The following ANTXR2 variants were observed in gnomAD, a reference collection of about 807,000 sequenced individuals.
The protein encoded by ANTXR2 is anthrax toxin receptor 2.
In ANTXR2, 44 loss-of-function variants were observed where a neutral mutation model predicts 73.7. The observed-to-expected ratio is 0.60, with a 90% CI of 0.47 to 0.77. The LOEUF is 0.77. Among genes scored for constraint, ANTXR2 ranks in the 30% least tolerant of loss-of-function variants. ANTXR2 has a pLI of 0.00. For missense variants in ANTXR2, 604 were observed against 592.5 expected (o/e 1.02, Z -0.20); for synonymous variants, 217 against 205.9 (o/e 1.05, Z -0.46).
intron 10 of ANTXR2, among the ~76,000 whole-genome samples, chr4:80,022,586 T>C (rs561200744): frequency 6.6e-6 from 1 of 152,346 alleles, no homozygotes; most frequent in East Asian, 1.9e-4. Flanking sequence ...ATATTTTATG[T>C]CATTTCTGTT....
chr4:80,016,420 G>A (rs2110066281), intron 11 of ANTXR2, among the ~76,000 whole-genome samples: 1 of 152,144 alleles, frequency 6.6e-6, no homozygotes, highest in African/African-American at 2.4e-5. Flanking sequence ...GTCTGTCTCA[G>A]TTCCTCCACA....
chr4:79,961,651 G>A (rs1435763936), intron 16 of ANTXR2, among the ~76,000 whole-genome samples: 1 of 152,006 alleles, frequency 6.6e-6, no homozygotes, highest in Non-Finnish European at 1.5e-5. Context: ...TGTTGCCCAG[G>A]CTGGTCTCAA....
chr4:80,037,502 A>G (rs1381774208), intron 7 of ANTXR2, among the ~76,000 whole-genome samples: 1 of 152,184 alleles, frequency 6.6e-6, no homozygotes, highest in Non-Finnish European at 1.5e-5. Context: ...GTAAAATTTT[A>G]TATCTGAGAA....
chr4:80,044,823 CTAATA>C (rs1285100012), intron 7 of ANTXR2, among the ~76,000 whole-genome samples: 1 of 151,714 alleles, frequency 6.6e-6, no homozygotes, highest in Non-Finnish European at 1.5e-5. Context: ...AAAATTCAAT[CTAATA>C]TAAAAAGTAT....
intron 12 of ANTXR2, among the ~76,000 whole-genome samples, chr4:79,985,961 C>T (rs75123012): frequency 0.091 from 13,845 of 151,386 alleles, 730 homozygotes; most frequent in Middle Eastern, 0.23. Context: ...CCTATCTCAG[C>T]ATCTGGAGTA....
intron 6 of ANTXR2, among the ~76,000 whole-genome samples, chr4:80,054,700 T>C (rs1406347109): frequency 6.6e-6 from 1 of 151,674 alleles, no homozygotes; most frequent in Non-Finnish European, 1.5e-5. Context: ...TGAAACATTT[T>C]CAAATATATA....
intron 12 of ANTXR2, among the ~76,000 whole-genome samples, chr4:79,998,018 C>A (rs1320157244): frequency 6.6e-6 from 1 of 151,868 alleles, no homozygotes; most frequent in Non-Finnish European, 1.5e-5. Flanking sequence ...AAAAAGAAAT[C>A]AGGCTGCTCT....
rs548469253 is a variant in ANTXR2, at chr4:80,030,041, G to A, written c.866+1582C>T. Among the ~76,000 whole-genome samples the A allele has an allele frequency of 1.5e-3, 235 of 152,118 alleles. 1 individual carries two copies. The highest frequency in any genetic ancestry group is 5.4e-3 in the African/African-American group (223 of 41,532). On this transcript the variant is annotated intron_variant, in intron 10 of 16. Coordinates refer to ENST00000403729, the MANE Select transcript of ANTXR2 (RefSeq NM_058172.6). ...AATCTGTTTTAACAAGATCACTCTT[G>A]TGAAGGATGGAAACAGAAAGACCAG...
chr4:79,990,383 CAAAAAAA>C (rs70944757), intron 12 of ANTXR2, among the ~76,000 whole-genome samples: 3 of 76,938 alleles, frequency 3.9e-5, no homozygotes, highest in East Asian at 7.6e-4. Flanking sequence ...ACAACAGTTA[CAAAAAAA>C]AAAAAAAAAA....
intron 7 of ANTXR2, among the ~76,000 whole-genome samples, chr4:80,046,808 A>G (rs184299370): frequency 5.9e-5 from 9 of 151,884 alleles, no homozygotes; most frequent in Admixed American, 5.9e-4. Context: ...AAACACAGCA[A>G]AGTGTCTTGA....
chr4:79,956,278 A>G (rs936545795), intron 16 of ANTXR2, among the ~76,000 whole-genome samples: 1 of 152,144 alleles, frequency 6.6e-6, no homozygotes, highest in Non-Finnish European at 1.5e-5. Context: ...ACACAGATAC[A>G]CAGTTGATAA....
In ANTXR2 at chr4:80,033,988, T is replaced by C. The variant is rs569249319; in HGVS notation, c.698-418A>G. Among the ~76,000 whole-genome samples the C allele has an allele frequency of 5.3e-4, 81 of 152,234 alleles. 1 individual carries two copies. The South Asian group carries it at 6.6e-3, about 12-fold the overall frequency. ...GGGAATGTAAATAAAACTAATTATG[T>C]ACGTTTTTTAGTTCTTCGAAAAGTC... On this transcript the variant is annotated intron_variant, in intron 8 of 16. Transcript: ENST00000403729.
At chr4:79,911,390 G>A (rs1008612199) in intron 16 of ANTXR2, among the ~76,000 whole-genome samples, 1 of 151,904 alleles carries the variant, frequency 6.6e-6, no homozygotes, top group East Asian at 1.9e-4. Context: ...AATAATACGA[G>A]TGCTAAAAAT....
chr4:79,933,731 GTTTGT>G (rs1477396878), intron 16 of ANTXR2, among the ~76,000 whole-genome samples: 1 of 41,962 alleles, frequency 2.4e-5, no homozygotes, highest in Non-Finnish European at 4.1e-5. Flanking sequence ...GCCCTGGTGT[GTTTGT>G]TTTTTTTTTT....
intron 3 of ANTXR2, among the ~76,000 whole-genome samples, chr4:80,059,777 G>A (rs913366308): frequency 1.3e-5 from 2 of 152,042 alleles, no homozygotes; most frequent in South Asian, 4.1e-4. Context: ...GAGTGAGGAA[G>A]GGAAGGGAAA....
intron 12 of ANTXR2, among the ~76,000 whole-genome samples, chr4:79,997,287 A>G (rs1487342761): frequency 6.6e-6 from 1 of 151,860 alleles, no homozygotes; most frequent in East Asian, 1.9e-4. Context: ...TTGTACAATG[A>G]CTGTAGACTA....
At chr4:79,999,960 T>A (rs749887102) in intron 12 of ANTXR2, among the ~76,000 whole-genome samples, 3 of 152,042 alleles carry the variant, frequency 2.0e-5, no homozygotes, top group African/African-American at 7.2e-5. Flanking sequence ...ATGGGATACA[T>A]GTGATTGCTA....
At chr4:80,023,377 C>T (rs545891934) in intron 10 of ANTXR2, among the ~76,000 whole-genome samples, 7 of 152,274 alleles carry the variant, frequency 4.6e-5, no homozygotes, top group South Asian at 2.1e-4. Context: ...AATAAAATCA[C>T]TCAATCAGTC....
intron 8 of ANTXR2, 131 bp downstream of exon 8, chr4:80,035,841 T>C: frequency 1.4e-6 from 1 of 718,306 alleles, no homozygotes; most frequent in Non-Finnish European, 2.3e-6. Context: ...TATTTAAAAA[T>C]TCTTACACAA....
Sources: allele counts gnomAD v4.1 joint callset (sites outside exome capture counted in the v4.1 genomes callset), GRCh38; gene constraint gnomAD v4.1.1; transcripts MANE v1.5; gene names NCBI Gene and HGNC (gene_info 2026-07-23, HGNC 2026-07-21).